Variants in GPC5 observed in about 807,000 individuals in gnomAD.
GPC5 encodes glypican-5.
A neutral mutation model predicts 53.9 loss-of-function variants in GPC5; 47 were observed. The observed-to-expected ratio is 0.87, with a 90% CI of 0.69 to 1.11. GPC5 has a LOEUF of 1.11. Among genes scored for constraint, GPC5 ranks in the 50% most tolerant of loss-of-function variants. GPC5 has a pLI of 0.00. For missense variants in GPC5, 748 were observed against 713.1 expected (o/e 1.05, Z -0.56); for synonymous variants, 286 against 263.3 (o/e 1.09, Z -0.84).
chr13:92,656,923 C>G (rs1886156507), intron 7 of GPC5, among the ~76,000 whole-genome samples: 1 of 152,170 alleles, frequency 6.6e-6, no homozygotes, highest in Non-Finnish European at 1.5e-5. Flanking sequence ...ATGAGCTATG[C>G]TCTCACACCG....
intron 7 of GPC5, among the ~76,000 whole-genome samples, chr13:92,376,373 A>G (rs2043693834): frequency 6.6e-6 from 1 of 152,176 alleles, no homozygotes; most frequent in African/African-American, 2.4e-5. Context: ...TCTCATCTGT[A>G]GGAGGTAGGA....
intron 2 of GPC5, among the ~76,000 whole-genome samples, chr13:91,686,061 T>A (rs1416570446): frequency 6.6e-6 from 1 of 152,066 alleles, no homozygotes; most frequent in East Asian, 1.9e-4. Context: ...TTCTAGATTG[T>A]GTTTCTGAGT....
At chr13:91,695,002 C>T (rs933820395) in intron 3 of GPC5, among the ~76,000 whole-genome samples, 1 of 152,216 alleles carries the variant, frequency 6.6e-6, no homozygotes, top group Non-Finnish European at 1.5e-5. Flanking sequence ...TTTTCCCCTT[C>T]TCTTCCTAAC....
intron 6 of GPC5, among the ~76,000 whole-genome samples, chr13:92,062,094 TC>T (rs1244392313): frequency 2.0e-5 from 3 of 151,958 alleles, no homozygotes; most frequent in African/African-American, 7.2e-5. Context: ...AGTAATGATG[TC>T]AAAGAAAGAA....
intron 7 of GPC5, among the ~76,000 whole-genome samples, chr13:92,670,800 CTT>C (rs1260650838): frequency 2.0e-5 from 3 of 152,182 alleles, no homozygotes; most frequent in African/African-American, 7.2e-5. Flanking sequence ...TAAGCTCTCA[CTT>C]TTCAAATTCT....
chr13:92,732,449 A>C (rs1316550764), intron 7 of GPC5, among the ~76,000 whole-genome samples: 1 of 151,570 alleles, frequency 6.6e-6, no homozygotes, highest in Non-Finnish European at 1.5e-5. Flanking sequence ...AGGGTTAGCC[A>C]CTAAATTGTA....
intron 7 of GPC5, among the ~76,000 whole-genome samples, chr13:92,325,393 G>T (rs893006773): frequency 2.7e-4 from 41 of 152,126 alleles, no homozygotes; most frequent in Non-Finnish European, 5.2e-4. Context: ...GCTAAATGGA[G>T]GCAAAACATA....
At chr13:92,489,531 G>T (rs1006154065) in intron 7 of GPC5, among the ~76,000 whole-genome samples, 3 of 152,104 alleles carry the variant, frequency 2.0e-5, no homozygotes, top group African/African-American at 4.8e-5. Context: ...TATGGACAGG[G>T]TTACTCGAAA....
chr13:92,199,436 T>C (rs2042279139), intron 7 of GPC5, among the ~76,000 whole-genome samples: 1 of 152,218 alleles, frequency 6.6e-6, no homozygotes, highest in Non-Finnish European at 1.5e-5. Flanking sequence ...TCTCCAGTTA[T>C]AGAAAATGGT....
intron 7 of GPC5, among the ~76,000 whole-genome samples, chr13:92,510,490 G>A (rs1459700911): frequency 6.6e-6 from 1 of 152,074 alleles, no homozygotes; most frequent in Non-Finnish European, 1.5e-5. Flanking sequence ...CTGGCTTCAG[G>A]GAGCTACCTT....
chr13:92,555,593 C>A (rs531264467), intron 7 of GPC5, among the ~76,000 whole-genome samples: 10 of 150,054 alleles, frequency 6.7e-5, no homozygotes, highest in African/African-American at 2.4e-4. Context: ...TATACAAATA[C>A]AATTATATAA....
At chr13:92,206,018 C>T (rs975418727) in intron 7 of GPC5, among the ~76,000 whole-genome samples, 4 of 134,890 alleles carry the variant, frequency 3.0e-5, no homozygotes, top group African/African-American at 8.7e-5. Context: ...CTCCAGCCTG[C>T]GCCATGGGAG....
At chr13:91,687,486 T>C (rs2035647823) in intron 2 of GPC5, among the ~76,000 whole-genome samples, 1 of 152,138 alleles carries the variant, frequency 6.6e-6, no homozygotes, top group Admixed American at 6.5e-5. Flanking sequence ...GCAGATAAAC[T>C]TCATGCATTC....
At chr13:91,950,991 A>G (rs1234113054) in intron 6 of GPC5, among the ~76,000 whole-genome samples, 2 of 152,152 alleles carry the variant, frequency 1.3e-5, no homozygotes, top group Non-Finnish European at 2.9e-5. Context: ...CCTCCAATGG[A>G]AAAAACTGCT....
intron 1 of GPC5, among the ~76,000 whole-genome samples, chr13:91,403,887 A>G (rs1167254137): frequency 6.6e-6 from 1 of 151,574 alleles, no homozygotes; most frequent in Non-Finnish European, 1.5e-5. Context: ...AATTATAACT[A>G]TTGCTGTCAA....
In GPC5 at chr13:92,388,888, G is replaced by A. The variant is rs559808410; in HGVS notation, c.1561+243899G>A. On this transcript the variant is annotated intron_variant, in intron 7 of 7. Transcript: ENST00000377067. ...TTTTTTTGATTTTTAAGAAAAGTAT[G>A]TTTTTGTCTGTGTTCAAAAATGGTT... Among the ~76,000 whole-genome samples, 3 of 152,188 alleles carry A rather than the reference G, an allele frequency of 2.0e-5. No individual in the cohort carries two copies. In the South Asian group the frequency reaches 6.2e-4, roughly 32 times the overall value.
intron 6 of GPC5, among the ~76,000 whole-genome samples, chr13:91,938,011 TC>T (rs2139040836): frequency 6.6e-6 from 1 of 152,212 alleles, no homozygotes; most frequent in Non-Finnish European, 1.5e-5. Context: ...GAGACCATTT[TC>T]AAGTACAATG....
chr13:92,182,826 G>GC (rs1176515479), intron 7 of GPC5, among the ~76,000 whole-genome samples: 16 of 151,308 alleles, frequency 1.1e-4, no homozygotes, highest in African/African-American at 3.9e-4. Context: ...CCGAGATCGT[G>GC]CCACTGCACT....
chr13:92,674,873 AC>A (rs1361697108), intron 7 of GPC5, among the ~76,000 whole-genome samples: 2 of 151,002 alleles, frequency 1.3e-5, no homozygotes, highest in African/African-American at 4.9e-5. Flanking sequence ...CACTTCACTA[AC>A]CAATCAAAAT....
Sources: allele counts gnomAD v4.1 joint callset (sites outside exome capture counted in the v4.1 genomes callset), GRCh38; gene constraint gnomAD v4.1.1; transcripts MANE v1.5; gene names NCBI Gene and HGNC (gene_info 2026-07-23, HGNC 2026-07-21).